The following SIPA1L2 variants were observed in gnomAD, a reference collection of about 807,000 sequenced individuals.
The protein encoded by SIPA1L2 is signal induced proliferation associated 1 like 2.
SIPA1L2 carries 56 observed loss-of-function variants against 163.9 expected under a neutral mutation model. The ratio of observed to expected loss-of-function variants is 0.34; its 90% confidence interval spans 0.28 to 0.43. SIPA1L2 has a LOEUF of 0.43. Ranked by LOEUF, SIPA1L2 falls within the 20% of genes least tolerant of loss-of-function variation. The probability of loss-of-function intolerance (pLI) is 1.00; values close to 1 mark genes in which losing one functional copy is unlikely to be tolerated. For missense variants in SIPA1L2, 1,974 were observed against 2,193.5 expected (o/e 0.90, Z 2.00); for synonymous variants, 877 against 865.7 (o/e 1.01, Z -0.23).
intron 3 of SIPA1L2, among the ~76,000 whole-genome samples, chr1:232,506,479 G>T (rs1666736647): frequency 2.6e-5 from 4 of 152,090 alleles, no homozygotes; most frequent in Admixed American, 2.0e-4. Context: ...ACCAAGAGTT[G>T]ACCTCCAACT....
In SIPA1L2 at chr1:232,627,530, G is replaced by A. The variant is rs1266873111; in HGVS notation, c.-319+2339C>T. On this transcript the variant is annotated intron_variant, in intron 1 of 22. Transcript: ENST00000674635. ...CATCCCAGTCTTGCGGGGTGAGGGGGAGAAAAAAAAAAACACCTTCCAAAT... is the reference window on the plus strand; with the variant it reads ...CATCCCAGTCTTGCGGGGTGAGGGGAAGAAAAAAAAAAACACCTTCCAAAT... Among the ~76,000 whole-genome samples, 46 of 149,670 alleles carry A rather than the reference G, an allele frequency of 3.1e-4. 2 individuals are homozygous for A. The highest frequency in any genetic ancestry group is 1.1e-3 in the African/African-American group (43 of 40,648).
At chr1:232,620,606 A>G (rs1271525129) in intron 1 of SIPA1L2, among the ~76,000 whole-genome samples, 3 of 152,186 alleles carry the variant, frequency 2.0e-5, no homozygotes, top group Non-Finnish European at 4.4e-5. Flanking sequence ...ACATAACCAG[A>G]CGCACAGCGA....
intron 1 of SIPA1L2, among the ~76,000 whole-genome samples, chr1:232,609,798 C>T (rs1662145618): frequency 1.4e-5 from 2 of 145,382 alleles, no homozygotes; most frequent in African/African-American, 5.2e-5. Context: ...CCACTGCACT[C>T]CAGCCCAGGC....
rs1664427837 is a variant in SIPA1L2, at chr1:232,464,910, C to T, written c.2750G>A (p.Gly917Glu). 6.2e-7 allele frequency: 1 copy of T among 1,614,196 alleles called. No homozygotes were observed. The highest frequency in any genetic ancestry group is 1.7e-5 in the Admixed American group (1 of 60,032). Residue 917 changes from glycine (G) to glutamate (E), a missense_variant, in exon 9 of 23, where the codon GGA becomes GAA. Transcript: ENST00000674635. ...LVSIKVFYER[G>E]ECVLLSSVDN... ...TACCGAGGACAGGAGGACACATTCT[C>T]CTCTTTCGTAAAACACTTTGATACT...
chr1:232,402,276 T>G, intron 22 of SIPA1L2, 116 bp downstream of exon 22: 2 of 765,204 alleles, frequency 2.6e-6, no homozygotes, highest in Non-Finnish European at 4.1e-6. Flanking sequence ...GTATTTATCA[T>G]TGGTTTTTGT....
chr1:232,443,667 C>A lies in SIPA1L2; in HGVS notation c.3372G>T (p.Gln1124His). 6.2e-7 allele frequency: 1 copy of A among 1,608,722 alleles called. No individual in the cohort carries two copies. Among genetic ancestry groups the A allele is most frequent in the Non-Finnish European group, 8.5e-7 (1 of 1,177,536 alleles). Residue 1124 changes from glutamine (Q) to histidine (H), a missense_variant, in exon 12 of 23, where the codon CAG (glutamine) becomes CAT (histidine). Physicochemically the swap from Gln to His is conservative, Grantham distance 24 (BLOSUM62 0). Transcript: ENST00000674635. Reference protein sequence around the residue: ...PDGTRSSPSNQSSSSDPGPGG... With the variant: ...PDGTRSSPSNHSSSSDPGPGG... ...CGGGTCCAGGGTCGCTGGAGGATGACTGGTTGCTGGGTGAGCTTCTGAAAG... is the reference window on the plus strand; with the variant it reads ...CGGGTCCAGGGTCGCTGGAGGATGAATGGTTGCTGGGTGAGCTTCTGAAAG...
intron 2 of SIPA1L2, among the ~76,000 whole-genome samples, chr1:232,539,091 CA>C (rs972810333): frequency 6.6e-6 from 1 of 152,252 alleles, no homozygotes; most frequent in African/African-American, 2.4e-5. Context: ...CCTCGTCAAG[CA>C]AACAGCAAAT....
intron 1 of SIPA1L2, among the ~76,000 whole-genome samples, chr1:232,622,237 C>T (rs891276858): frequency 6.6e-6 from 1 of 152,114 alleles, no homozygotes; most frequent in Non-Finnish European, 1.5e-5. Context: ...ACTAGCACTA[C>T]GTTAAGATAT....
intron 2 of SIPA1L2, among the ~76,000 whole-genome samples, chr1:232,561,910 G>T (rs2102746979): frequency 6.6e-6 from 1 of 152,316 alleles, no homozygotes; most frequent in Admixed American, 6.5e-5. Context: ...TGATATGGAG[G>T]CTTAGCGATT....
intron 2 of SIPA1L2, among the ~76,000 whole-genome samples, chr1:232,523,975 G>A (rs1372685741): frequency 2.0e-5 from 3 of 152,144 alleles, no homozygotes; most frequent in Non-Finnish European, 4.4e-5. Flanking sequence ...TTTAAAAACA[G>A]TAATTTTAGC....
chr1:232,589,799 A>G (rs1432286178), intron 1 of SIPA1L2, among the ~76,000 whole-genome samples: 2 of 152,224 alleles, frequency 1.3e-5, no homozygotes, highest in African/African-American at 4.8e-5. Flanking sequence ...GCATTCACAT[A>G]TAGGCTCCTG....
chr1:232,480,263 T>C (rs1278801772), intron 6 of SIPA1L2, among the ~76,000 whole-genome samples: 4 of 151,950 alleles, frequency 2.6e-5, no homozygotes, highest in African/African-American at 4.8e-5. Context: ...ATAGGATTGA[T>C]TGAATATGGA....
chr1:232,403,999 G>A lies in SIPA1L2; in HGVS notation c.4816+126C>T. On this transcript the variant is annotated intron_variant, in intron 20 of 22. Transcript: ENST00000674635. Reference sequence around the variant, plus strand: ...AAGGTTCTGGAGACAGAACAGCCAGGACACATGTCCCGCTGTGCACCCCCA... The same window carrying A: ...AAGGTTCTGGAGACAGAACAGCCAGAACACATGTCCCGCTGTGCACCCCCA... The A allele has an allele frequency of 3.0e-6, 3 of 1,015,252 alleles. 1 individual carries two copies. The highest frequency in any genetic ancestry group is 4.5e-6 in the Non-Finnish European group (3 of 666,774). The allele number at this position is 1,015,252 out of a possible 1,614,324, so 62.9% of individuals were successfully genotyped here. A position where few individuals can be genotyped will look rare whatever the true frequency, so the allele number is the denominator to read the frequency against.
chr1:232,490,889 C>T lies in SIPA1L2; in HGVS notation c.1791G>A (p.Lys597=). The change falls in exon 5 of 23, where the codon AAG becomes AAA. Residue 597 remains lysine, a synonymous_variant. Coordinates refer to ENST00000674635, the MANE Select transcript of SIPA1L2 (RefSeq NM_020808.5). ...NSPKVSEQLL[K]LDEQGLSFQH... is the part of the protein sequence containing the mutation. The stretch of plus-strand genomic sequence containing the variant: ...TTATACACACCCCTTGTTCATCAAG[C>T]TTGAGCAGCTGCTCTGAGACCTTGG... 1 of 1,613,782 alleles carries T rather than the reference C, an allele frequency of 6.2e-7. No homozygotes were observed. Among genetic ancestry groups the T allele is most frequent in the Non-Finnish European group, 8.5e-7 (1 of 1,179,852 alleles).
intron 20 of SIPA1L2, 115 bp downstream of exon 20, chr1:232,404,010 C>T (rs915106813): frequency 2.1e-5 from 24 of 1,167,970 alleles, no homozygotes; most frequent in Non-Finnish European, 2.3e-5. Flanking sequence ...ACACATGTCC[C>T]GCTGTGCACC....
At chr1:232,560,838 A>T (rs964906152) in intron 2 of SIPA1L2, among the ~76,000 whole-genome samples, 14 of 152,222 alleles carry the variant, frequency 9.2e-5, no homozygotes, top group African/African-American at 3.4e-4. Context: ...TAATAAATAA[A>T]TGCAAATTAT....
intron 2 of SIPA1L2, among the ~76,000 whole-genome samples, chr1:232,528,563 G>A (rs544771776): frequency 2.8e-4 from 43 of 152,152 alleles, no homozygotes; most frequent in Admixed American, 9.2e-4. Context: ...TTCCTGTAAC[G>A]GGCAACTCTC....
intron 2 of SIPA1L2, among the ~76,000 whole-genome samples, chr1:232,553,898 C>T (rs769659181): frequency 6.6e-6 from 1 of 152,130 alleles, no homozygotes; most frequent in Non-Finnish European, 1.5e-5. Context: ...TAAAAGCCAT[C>T]AACACAATGA....
chr1:232,420,416 CTGTCT>C (rs1233381920), intron 18 of SIPA1L2, among the ~76,000 whole-genome samples: 1 of 152,242 alleles, frequency 6.6e-6, no homozygotes, highest in Non-Finnish European at 1.5e-5. Context: ...GTGGCTGGAA[CTGTCT>C]TGTCTCCTCA....
Sources: allele counts gnomAD v4.1 joint callset (sites outside exome capture counted in the v4.1 genomes callset), GRCh38; gene constraint gnomAD v4.1.1; transcripts MANE v1.5; gene names NCBI Gene and HGNC (gene_info 2026-07-23, HGNC 2026-07-21).